The following MEGF11 variants were observed in gnomAD, a reference collection of about 807,000 sequenced individuals.
MEGF11 encodes multiple epidermal growth factor-like domains protein 11.
Under a neutral mutation model 146.6 loss-of-function variants are expected in MEGF11, and 126 were observed. The ratio of observed to expected loss-of-function variants is 0.86; its 90% confidence interval spans 0.74 to 1.00. MEGF11 has a LOEUF of 1.00. Ranked by LOEUF, MEGF11 falls within the 50% of genes least tolerant of loss-of-function variation. The probability of loss-of-function intolerance (pLI) is 0.00; values close to 1 mark genes in which losing one functional copy is unlikely to be tolerated. For synonymous variants in MEGF11, 532 were observed against 583.4 expected (o/e 0.91, Z 1.27); for missense variants, 1,509 against 1,521.2 (o/e 0.99, Z 0.13).
At chr15:65,975,023 T>G (rs2081405402) in intron 7 of MEGF11, among the ~76,000 whole-genome samples, 1 of 152,014 alleles carries the variant, frequency 6.6e-6, no homozygotes, top group African/African-American at 2.4e-5. Context: ...TTTTTGGTAT[T>G]TTTAGTAGAG....
intron 1 of MEGF11, among the ~76,000 whole-genome samples, chr15:66,143,040 G>GC (rs2089228766): frequency 6.6e-6 from 1 of 152,240 alleles, no homozygotes; most frequent in South Asian, 2.1e-4. Context: ...AAGTTCTACA[G>GC]TGATTCCAAG....
chr15:66,201,837 C>T (rs901949025), intron 1 of MEGF11, among the ~76,000 whole-genome samples: 5 of 148,020 alleles, frequency 3.4e-5, no homozygotes, highest in African/African-American at 1.3e-4. Flanking sequence ...GTCCCAGCTA[C>T]TCGGGAGGTT....
At chr15:65,947,242 C>G (rs1161441766) in intron 10 of MEGF11, among the ~76,000 whole-genome samples, 1 of 151,972 alleles carries the variant, frequency 6.6e-6, no homozygotes, top group Non-Finnish European at 1.5e-5. Flanking sequence ...GCACTAATGA[C>G]TAAGGGAGAG....
intron 5 of MEGF11, among the ~76,000 whole-genome samples, chr15:65,987,859 C>A (rs377242909): frequency 2.6e-5 from 4 of 151,646 alleles, no homozygotes; most frequent in Non-Finnish European, 5.9e-5. Context: ...TATAGGCATG[C>A]GCCACCATGC....
chr15:66,064,529 C>A (rs927261134), intron 5 of MEGF11, among the ~76,000 whole-genome samples: 1 of 151,682 alleles, frequency 6.6e-6, no homozygotes, highest in African/African-American at 2.4e-5. Context: ...TTTTTCTTCT[C>A]TTTTTGAGAT....
chr15:65,980,689 T>C, intron 7 of MEGF11, 89 bp downstream of exon 7: 4 of 1,442,622 alleles, frequency 2.8e-6, no homozygotes, highest in East Asian at 5.1e-5. Context: ...ACGAGTACCA[T>C]GCCCGGCTAG....
chr15:66,155,902 T>C (rs2089739223), intron 1 of MEGF11, among the ~76,000 whole-genome samples: 1 of 152,214 alleles, frequency 6.6e-6, no homozygotes, highest in Admixed American at 6.5e-5. Flanking sequence ...GTTTCCACCC[T>C]TACCCCTTTT....
intron 1 of MEGF11, among the ~76,000 whole-genome samples, chr15:66,136,548 A>G (rs764799671): frequency 6.6e-6 from 1 of 152,220 alleles, no homozygotes; most frequent in African/African-American, 2.4e-5. Flanking sequence ...GGGATTCTGA[A>G]GCCAGAAACC....
intron 4 of MEGF11, among the ~76,000 whole-genome samples, chr15:66,107,060 C>T (rs549953582): frequency 2.0e-5 from 3 of 150,730 alleles, no homozygotes; most frequent in Non-Finnish European, 4.4e-5. Flanking sequence ...TCCTACCCCC[C>T]CACCAGGTAT....
In MEGF11 at chr15:65,953,372, C is replaced by T. The variant is rs139784152; in HGVS notation, c.1287+4175G>A. On this transcript the variant is annotated intron_variant, in intron 10 of 25. Transcript: ENST00000395614. ...ACTTAGATTTGTCTGGTTCCATGGTCACCCTTCAATCAAAGCTCATCAACT... is the reference window on the plus strand; with the variant it reads ...ACTTAGATTTGTCTGGTTCCATGGTTACCCTTCAATCAAAGCTCATCAACT... 3.3e-4 allele frequency among the ~76,000 whole-genome samples: 50 copies of T among 152,254 alleles called. 2 individuals are homozygous for T. The highest frequency in any genetic ancestry group is 1.1e-3 in the African/African-American group (47 of 41,534).
chr15:66,092,358 C>A (rs2086354802), intron 5 of MEGF11, among the ~76,000 whole-genome samples: 1 of 152,192 alleles, frequency 6.6e-6, no homozygotes, highest in Non-Finnish European at 1.5e-5. Context: ...CCTTTTAGAA[C>A]TTCCCATGGG....
chr15:65,960,632 CA>C (rs2080826442), intron 9 of MEGF11, among the ~76,000 whole-genome samples: 1 of 152,252 alleles, frequency 6.6e-6, no homozygotes, highest in Non-Finnish European at 1.5e-5. Flanking sequence ...CTGCAGCCAT[CA>C]GCTCTGCTGA....
chr15:66,167,407 C>T (rs1361459022), intron 1 of MEGF11, among the ~76,000 whole-genome samples: 3 of 151,676 alleles, frequency 2.0e-5, no homozygotes, highest in Non-Finnish European at 4.4e-5. Context: ...TTTGGGAGGC[C>T]GAGGCGGGCG....
At chr15:66,095,547 G>C (rs1439076014) in intron 4 of MEGF11, among the ~76,000 whole-genome samples, 1 of 152,204 alleles carries the variant, frequency 6.6e-6, no homozygotes, top group African/African-American at 2.4e-5. Flanking sequence ...CCCACTGCCT[G>C]GCCTAAATGC....
At chr15:66,173,438 C>T (rs188824443) in intron 1 of MEGF11, among the ~76,000 whole-genome samples, 90 of 152,234 alleles carry the variant, frequency 5.9e-4, no homozygotes, top group African/African-American at 2.1e-3. Flanking sequence ...GCCTCAGCCT[C>T]CTGAATAGCT....
intron 1 of MEGF11, among the ~76,000 whole-genome samples, chr15:66,153,398 T>A (rs1303110634): frequency 6.6e-6 from 1 of 151,922 alleles, no homozygotes; most frequent in Non-Finnish European, 1.5e-5. Context: ...CATGGTGAAG[T>A]CTCGTCTCTA....
chr15:66,110,952 T>C (rs1234863989), intron 4 of MEGF11, among the ~76,000 whole-genome samples: 1 of 151,094 alleles, frequency 6.6e-6, no homozygotes, highest in Admixed American at 6.6e-5. Flanking sequence ...CCTCCAAACC[T>C]CCTCCCCTGC....
rs28476500 is a variant in MEGF11, at chr15:65,955,585, A to G, written c.1287+1962T>C. On this transcript the variant is annotated intron_variant, in intron 10 of 25. Coordinates refer to ENST00000395614, the MANE Select transcript of MEGF11 (RefSeq NM_001385028.1). ...ATGGCAAAACCCTGTCTCTACTAAA[A>G]ATACAAAAATTAGCTAGGCGTGGTG... Among the ~76,000 whole-genome samples, 1,359 of 148,832 alleles carry G rather than the reference A, an allele frequency of 9.1e-3. 20 individuals carry two copies. The highest frequency in any genetic ancestry group is 0.03 in the African/African-American group (1,216 of 40,414).
At chr15:65,980,395 C>CTTTTTATT (rs1555458276) in intron 7 of MEGF11, among the ~76,000 whole-genome samples, 8 of 88,184 alleles carry the variant, frequency 9.1e-5, no homozygotes, top group African/African-American at 4.0e-4. Flanking sequence ...AAGAATTCAG[C>CTTTTTATT]TTTTTTTTTT....
Sources: gnomAD v4.1 joint callset for allele counts (sites outside exome capture counted in the v4.1 genomes callset) on GRCh38, gnomAD v4.1.1 for gene constraint, MANE v1.5 for transcripts, NCBI Gene and HGNC (gene_info 2026-07-23, HGNC 2026-07-21) for gene names.